C12orf42: variants seen among roughly 807,000 people sequenced by gnomAD.
C12orf42 encodes the protein chromosome 12 open reading frame 42, also known as uncharacterized protein C12orf42.
Under a neutral mutation model 21.6 loss-of-function variants are expected in C12orf42, and 25 were observed. That is an observed-to-expected ratio of 1.16 (90% CI 0.84 to 1.62). The LOEUF is 1.62. Ranked by LOEUF, C12orf42 falls within the 40% of genes most tolerant of loss-of-function variation. The pLI is 0.00. For missense variants in C12orf42, 483 were observed against 459.3 expected (o/e 1.05, Z -0.47); for synonymous variants, 174 against 175.0 (o/e 0.99, Z 0.05).
intron 10 of C12orf42, among the ~76,000 whole-genome samples, chr12:103,249,433 A>G (rs2034172997): frequency 6.6e-6 from 1 of 152,082 alleles, no homozygotes; most frequent in South Asian, 2.1e-4. Context: ...GACTAAGACC[A>G]GCTGGTCCAG....
intron 1 of C12orf42, among the ~76,000 whole-genome samples, chr12:103,483,608 GT>G (rs566870427): frequency 1.3e-5 from 2 of 151,652 alleles, no homozygotes; most frequent in African/African-American, 2.4e-5. Context: ...TCAAGCAGCC[GT>G]TTTTTTGCTG....
intron 6 of C12orf42, among the ~76,000 whole-genome samples, chr12:103,269,463 CATA>C (rs2136250747): frequency 6.6e-6 from 1 of 152,240 alleles, no homozygotes; most frequent in East Asian, 1.9e-4. Flanking sequence ...CAGTCATGAT[CATA>C]ATAATGGTTT....
chr12:103,355,582 C>T (rs1272691502), intron 4 of C12orf42, among the ~76,000 whole-genome samples: 1 of 152,044 alleles, frequency 6.6e-6, no homozygotes, highest in Non-Finnish European at 1.5e-5. Context: ...CCTCCTCCTG[C>T]TGTATAGCCA....
intron 4 of C12orf42, among the ~76,000 whole-genome samples, chr12:103,353,633 A>C (rs1013795602): frequency 1.3e-5 from 2 of 152,110 alleles, no homozygotes; most frequent in African/African-American, 4.8e-5. Flanking sequence ...ACTAAGCCCC[A>C]GGTTTGTATT....
chr12:103,368,136 G>A (rs1335095050), intron 4 of C12orf42: 2 of 1,052,542 alleles, frequency 1.9e-6, no homozygotes, highest in Non-Finnish European at 2.6e-6. Flanking sequence ...ACAGTCGCAG[G>A]TTGTCAAAAT....
chr12:103,173,186 C>T, the C12orf42 span, among the ~76,000 whole-genome samples: 1 of 152,084 alleles, frequency 6.6e-6, no homozygotes, highest in Admixed American at 6.6e-5. Flanking sequence ...TTTTTGCTGG[C>T]ATCTATATAG....
chr12:103,190,087 G>T, the C12orf42 span, among the ~76,000 whole-genome samples: 2 of 152,130 alleles, frequency 1.3e-5, no homozygotes, highest in Admixed American at 1.3e-4. Context: ...TGGGGCAAAA[G>T]AGAAGCTGGT....
At chr12:103,489,194 A>G (rs1226717960) in intron 1 of C12orf42, among the ~76,000 whole-genome samples, 14 of 152,110 alleles carry the variant, frequency 9.2e-5, no homozygotes, top group Non-Finnish European at 5.9e-5. Context: ...TTTCCTTCTA[A>G]AAGTCAGGTC....
the C12orf42 span, among the ~76,000 whole-genome samples, chr12:103,508,490 A>G: frequency 6.6e-6 from 1 of 152,200 alleles, no homozygotes; most frequent in African/African-American, 2.4e-5. Context: ...TTGAATACCC[A>G]TAACCAATAA....
chr12:103,081,003 C>T, the C12orf42 span: 1 of 152,148 alleles, frequency 6.6e-6, no homozygotes, highest in Admixed American at 6.5e-5. Flanking sequence ...CTATGTTTTG[C>T]CTCTACATGT....
chr12:103,296,232 A>G (rs1229856133), intron 4 of C12orf42, among the ~76,000 whole-genome samples: 1 of 151,848 alleles, frequency 6.6e-6, no homozygotes, highest in African/African-American at 2.4e-5. Flanking sequence ...CATAGTGTAT[A>G]TGTGCCACAT....
At chr12:103,066,509 CACCATT>C in the C12orf42 span, among the ~76,000 whole-genome samples, 15 of 152,184 alleles carry the variant, frequency 9.9e-5, no homozygotes, top group Non-Finnish European at 5.9e-5. Flanking sequence ...GATATGCAGG[CACCATT>C]CAAAAGCAGA....
At chr12:103,152,225 T>C in the C12orf42 span, among the ~76,000 whole-genome samples, 40 of 152,310 alleles carry the variant, frequency 2.6e-4, no homozygotes, top group Non-Finnish European at 4.3e-4. Context: ...TTTAGCCTTG[T>C]GAGACCCTGA....
At chr12:103,094,409 A>G in the C12orf42 span, among the ~76,000 whole-genome samples, 1 of 152,210 alleles carries the variant, frequency 6.6e-6, no homozygotes. Flanking sequence ...GTCTTAATCC[A>G]TAGACCACAG....
At chr12:103,323,854 G>A (rs996732927) in intron 4 of C12orf42, among the ~76,000 whole-genome samples, 3 of 152,110 alleles carry the variant, frequency 2.0e-5, no homozygotes, top group Admixed American at 6.5e-5. Flanking sequence ...GGTAAGCCTG[G>A]CATATAACAT....
At chr12:103,132,089 G>T in the C12orf42 span, among the ~76,000 whole-genome samples, 1 of 152,158 alleles carries the variant, frequency 6.6e-6, no homozygotes, top group African/African-American at 2.4e-5. Flanking sequence ...ATTTGAGGCA[G>T]AATGGGGTGA....
the C12orf42 span, among the ~76,000 whole-genome samples, chr12:103,132,230 C>T: frequency 1.3e-5 from 2 of 152,050 alleles, no homozygotes; most frequent in Non-Finnish European, 2.9e-5. Context: ...AATAGATCAC[C>T]TAACAGAATA....
chr12:103,556,922 T>C, the C12orf42 span, among the ~76,000 whole-genome samples: 1 of 148,324 alleles, frequency 6.7e-6, no homozygotes, highest in Non-Finnish European at 1.5e-5. Flanking sequence ...ATGCAGAGAT[T>C]GTAGTTATGC....
At chr12:103,542,447 C>T in the C12orf42 span, among the ~76,000 whole-genome samples, 1 of 152,246 alleles carries the variant, frequency 6.6e-6, no homozygotes, top group African/African-American at 2.4e-5. Context: ...AAGAAGGCCA[C>T]ATCGATGCAG....
Sources: gnomAD v4.1 joint callset for allele counts (sites outside exome capture counted in the v4.1 genomes callset) on GRCh38, gnomAD v4.1.1 for gene constraint, MANE v1.5 for transcripts, NCBI Gene and HGNC (gene_info 2026-07-23, HGNC 2026-07-21) for gene names.